COBLL1: variants seen among roughly 807,000 people sequenced by gnomAD.
COBLL1 encodes the protein cordon-bleu protein-like 1.
A neutral mutation model predicts 94.8 loss-of-function variants in COBLL1; 50 were observed. The ratio of observed to expected loss-of-function variants is 0.53; its 90% confidence interval spans 0.42 to 0.67. COBLL1 has a LOEUF of 0.67. Ranked by LOEUF, COBLL1 falls within the 30% of genes least tolerant of loss-of-function variation. The probability of loss-of-function intolerance (pLI) is 0.00; values close to 1 mark genes in which losing one functional copy is unlikely to be tolerated. For missense variants in COBLL1, 1,362 were observed against 1,348.7 expected, an observed-to-expected ratio of 1.01 and a Z score of -0.15; for synonymous variants, 448 against 473.8, an observed-to-expected ratio of 0.95 and a Z score of 0.71.
chr2:164,680,159 T>C (rs1218145096), downstream of COBLL1: 1 of 152,016 alleles, frequency 6.6e-6, no homozygotes, highest in East Asian at 1.9e-4. Flanking sequence ...TCTTTATCCA[T>C]ATGAATAGAG....
At chr2:164,743,457 C>G (rs1232051575) in intron 3 of COBLL1, 1 of 399,956 alleles carries the variant, frequency 2.5e-6, no homozygotes, top group African/African-American at 2.1e-5. Context: ...GAAAGGGTTC[C>G]AAATTTCAAG....
chr2:164,809,596 T>C (rs923833704), intron 2 of COBLL1, among the ~76,000 whole-genome samples: 7 of 151,956 alleles, frequency 4.6e-5, no homozygotes, highest in Non-Finnish European at 7.4e-5. Flanking sequence ...GACAAGAAGA[T>C]ATTTAACCTC....
chr2:164,709,675 C>T (rs1028752764), intron 7 of COBLL1, among the ~76,000 whole-genome samples: 3 of 152,004 alleles, frequency 2.0e-5, no homozygotes, highest in Non-Finnish European at 4.4e-5. Flanking sequence ...CAAGATTGCG[C>T]CACTGCACTC....
chr2:164,816,269 A>G (rs941944876), intron 2 of COBLL1, among the ~76,000 whole-genome samples: 4 of 152,108 alleles, frequency 2.6e-5, no homozygotes, highest in Admixed American at 2.6e-4. Flanking sequence ...AGGCAAAGGC[A>G]AGGAGGTGTG....
intron 1 of COBLL1, among the ~76,000 whole-genome samples, chr2:164,669,041 T>C (rs1405351454): frequency 6.6e-6 from 1 of 152,268 alleles, no homozygotes; most frequent in Non-Finnish European, 1.5e-5. Context: ...TCCTTAGCAA[T>C]AGCTGAACAT....
rs771057988 is a variant in COBLL1 at position 164,694,927 on chromosome 2, G to A, written c.2465C>T (p.Pro822Leu). The A allele has an allele frequency of 5.0e-6, 8 of 1,613,902 alleles. No homozygotes were observed. The highest frequency in any genetic ancestry group is 2.2e-5 in the South Asian group (2 of 91,072). ...VSSPDDAMVS[P>L]LKPAPKMTRD... ...TGTCATTTTGGGAGCAGGTTTCAGA[G>A]GACTAACCATGGCATCATCAGGTGA... Residue 822 changes from proline to leucine, a missense_variant, in exon 12 of 14, where the codon CCT becomes CTT. Pro to Leu is a moderately conservative substitution (Grantham distance 98). Transcript: ENST00000652658.
chr2:164,680,813 C>T lies in COBLL1; in HGVS notation c.*5133G>A, dbSNP rs1683006339. 6.6e-6 allele frequency: 1 copy of T among 152,064 alleles called. No homozygotes were observed. The highest frequency in any genetic ancestry group is 1.5e-5 in the Non-Finnish European group (1 of 67,992). The allele number at this position is 152,064 out of a possible 1,614,324, so 9.4% of individuals were successfully genotyped here. ...TTTAACTGGGCATTCTGTATTTTAT[C>T]TTGCAATCCTGTGAAATAGACAAAT... On this transcript the variant is annotated 3_prime_UTR_variant, in exon 14 of 14. Transcript: ENST00000652658.
chr2:164,829,101 A>G (rs1463055725), intron 2 of COBLL1, among the ~76,000 whole-genome samples: 1 of 152,218 alleles, frequency 6.6e-6, no homozygotes, highest in Non-Finnish European at 1.5e-5. Flanking sequence ...ACCCATAAAT[A>G]CCACTGGAAA....
intron 9 of COBLL1, among the ~76,000 whole-genome samples, chr2:164,701,615 AAT>A (rs985030649): frequency 2.2e-4 from 33 of 152,306 alleles, no homozygotes; most frequent in Admixed American, 6.5e-4. Flanking sequence ...CATCCATATT[AAT>A]ATATATGTTT....
At chr2:164,744,956 G>A (rs2105566279) in intron 2 of COBLL1, among the ~76,000 whole-genome samples, 1 of 152,100 alleles carries the variant, frequency 6.6e-6, no homozygotes, top group Non-Finnish European at 1.5e-5. Flanking sequence ...ACATATTTAT[G>A]GTTTTATTTA....
chr2:164,729,681 T>G, intron 4 of COBLL1, among the ~76,000 whole-genome samples: 1 of 152,176 alleles, frequency 6.6e-6, no homozygotes, highest in South Asian at 2.1e-4. Flanking sequence ...TTCATAATTG[T>G]TACATACTTA....
chr2:164,802,673 TAA>T (rs774599680), intron 2 of COBLL1, among the ~76,000 whole-genome samples: 1 of 152,228 alleles, frequency 6.6e-6, no homozygotes, highest in Admixed American at 6.5e-5. Context: ...TGTAACAAAT[TAA>T]AAGTCTGAGA....
intron 2 of COBLL1, among the ~76,000 whole-genome samples, chr2:164,807,975 AC>A (rs1473817444): frequency 1.3e-5 from 2 of 152,130 alleles, no homozygotes; most frequent in Admixed American, 6.5e-5. Flanking sequence ...ATGCACCACC[AC>A]GCCCAGCTAA....
chr2:164,669,139 A>G (rs909789683), intron 1 of COBLL1, among the ~76,000 whole-genome samples: 2 of 152,014 alleles, frequency 1.3e-5, no homozygotes, highest in Admixed American at 6.5e-5. Flanking sequence ...TTTTTTCCTC[A>G]TTATCCGAAA....
At chr2:164,775,934 C>T (rs1055422727) in intron 2 of COBLL1, among the ~76,000 whole-genome samples, 1 of 151,888 alleles carries the variant, frequency 6.6e-6, no homozygotes, top group Non-Finnish European at 1.5e-5. Context: ...AACTTTTCAC[C>T]CCTCCTCCCT....
intron 2 of COBLL1, among the ~76,000 whole-genome samples, chr2:164,815,743 G>C (rs1684701892): frequency 6.6e-6 from 1 of 151,974 alleles, no homozygotes; most frequent in South Asian, 2.1e-4. Flanking sequence ...AGATCCATGG[G>C]AATTGTTCCT....
At chr2:164,719,869 A>T (rs1363141627) in intron 7 of COBLL1, among the ~76,000 whole-genome samples, 1 of 152,166 alleles carries the variant, frequency 6.6e-6, no homozygotes, top group Non-Finnish European at 1.5e-5. Context: ...AAGTGCAGAA[A>T]TATAGACCAA....
intron 3 of COBLL1, among the ~76,000 whole-genome samples, chr2:164,730,510 A>G (rs1331635681): frequency 2.4e-4 from 29 of 120,924 alleles, no homozygotes; most frequent in Non-Finnish European, 1.7e-5. Context: ...TAATAATAAC[A>G]ATAAAAACAA....
chr2:164,786,576 C>A (rs1688966225), intron 2 of COBLL1, among the ~76,000 whole-genome samples: 1 of 152,104 alleles, frequency 6.6e-6, no homozygotes, highest in Admixed American at 6.6e-5. Context: ...GCTCAAACAA[C>A]AGTCAGTGAT....
Sources: allele counts gnomAD v4.1 joint callset (sites outside exome capture counted in the v4.1 genomes callset), GRCh38; gene constraint gnomAD v4.1.1; transcripts MANE v1.5; gene names NCBI Gene and HGNC (gene_info 2026-07-23, HGNC 2026-07-21).